The following TRHDE variants were observed in gnomAD, a reference collection of about 807,000 sequenced individuals.
The protein encoded by TRHDE is thyrotropin releasing hormone degrading enzyme.
Under a neutral mutation model 125.7 loss-of-function variants are expected in TRHDE, and 72 were observed. The ratio of observed to expected loss-of-function variants is 0.57; its 90% CI spans 0.47 to 0.70. The LOEUF is 0.70. Ranked by LOEUF, TRHDE falls within the 30% of genes least tolerant of loss-of-function variation. The pLI, the probability that TRHDE is intolerant of heterozygous loss-of-function variation, is 0.00. For synonymous variants in TRHDE, 509 were observed against 509.1 expected, an observed-to-expected ratio of 1.00 and a Z score of 0.00; for missense variants, 1,110 against 1,327.1, an observed-to-expected ratio of 0.84 and a Z score of 2.54.
chr12:72,569,762 G>A (rs776226259), intron 10 of TRHDE, among the ~76,000 whole-genome samples: 1 of 152,146 alleles, frequency 6.6e-6, no homozygotes, highest in South Asian at 2.1e-4. Flanking sequence ...GCATTGATAA[G>A]TAATGTAGCA....
Position 72,597,747 on chromosome 12 carries a change from A to ATATATATG in TRHDE, c.2322-21137_2322-21136insGTATATAT, listed in dbSNP as rs1565804788. Among the ~76,000 whole-genome samples, 5 of 12,814 alleles carry ATATATATG rather than the reference A, an allele frequency of 3.9e-4. 1 individual carries two copies. The highest frequency in any genetic ancestry group is 8.6e-4 in the Non-Finnish European group (5 of 5,846). The allele number at this position is 12,814 out of a possible 152,430, so 8.4% of individuals were successfully genotyped here. On this transcript the variant is annotated intron_variant, in intron 12 of 18. Coordinates refer to ENST00000261180, the MANE Select transcript of TRHDE (RefSeq NM_013381.3). ...TATATATATATATATATATATATAT[A>ATATATATG]TATATATATATGCATACACACACAA...
intron 3 of TRHDE, among the ~76,000 whole-genome samples, chr12:72,407,468 T>A (rs1027395259): frequency 1.3e-5 from 2 of 152,122 alleles, no homozygotes; most frequent in African/African-American, 4.8e-5. Flanking sequence ...TAGTGTGGAG[T>A]CATTTTAGAA....
In TRHDE at chr12:72,218,982, A is replaced by G. The variant is rs191718240; in HGVS notation, n.279+113230A>G. On this transcript the variant is annotated intron_variant and non_coding_transcript_variant, in intron 2 of 4. Coordinates refer to the TRHDE transcript ENST00000548156. Reference sequence around the variant, plus strand: ...TTAGTTTCACAAATTGGTCAAGTCCAATCTAAATTTTGCCAGAGAGCAAAG... The same window carrying G: ...TTAGTTTCACAAATTGGTCAAGTCCGATCTAAATTTTGCCAGAGAGCAAAG... 1.2e-4 allele frequency among the ~76,000 whole-genome samples: 19 copies of G among 152,282 alleles called. No individual in the cohort carries two copies. In the East Asian group the frequency reaches 3.5e-3, roughly 28 times the overall value.
intron 6 of TRHDE, among the ~76,000 whole-genome samples, chr12:72,520,536 C>T (rs934638661): frequency 1.3e-5 from 2 of 152,164 alleles, no homozygotes; most frequent in Non-Finnish European, 1.5e-5. Flanking sequence ...CCTGCGCCCA[C>T]TCTCTGGCAC....
chr12:72,434,694 C>A (rs998096691), intron 3 of TRHDE, among the ~76,000 whole-genome samples: 3 of 152,178 alleles, frequency 2.0e-5, no homozygotes, highest in African/African-American at 7.2e-5. Flanking sequence ...TGCTCTAATG[C>A]ATGTCTCTTG....
chr12:72,498,611 T>C (rs1178589874), intron 5 of TRHDE, among the ~76,000 whole-genome samples: 2 of 152,208 alleles, frequency 1.3e-5, no homozygotes, highest in Non-Finnish European at 2.9e-5. Context: ...GGAAGACTAC[T>C]AGCTGCCAGC....
intron 8 of TRHDE, 49 bp downstream of exon 8, chr12:72,562,279 A>G (rs1418640519): frequency 2.0e-6 from 2 of 998,160 alleles, no homozygotes; most frequent in Non-Finnish European, 3.1e-6. Context: ...GAATATTTGA[A>G]TTGCATTTAT....
chr12:72,422,699 A>G (rs572621030), intron 3 of TRHDE, among the ~76,000 whole-genome samples: 3 of 152,260 alleles, frequency 2.0e-5, no homozygotes, highest in East Asian at 3.9e-4. Flanking sequence ...AGTGAAGATA[A>G]ATTTACTTAG....
chr12:72,219,032 A>C (rs922257937), intron 2 of TRHDE, among the ~76,000 whole-genome samples: 2 of 152,120 alleles, frequency 1.3e-5, no homozygotes, highest in African/African-American at 2.4e-5. Flanking sequence ...ATGACAATAA[A>C]ATTTTCACAA....
chr12:72,556,502 T>C (rs1869932453), intron 7 of TRHDE, among the ~76,000 whole-genome samples: 1 of 152,232 alleles, frequency 6.6e-6, no homozygotes, highest in Non-Finnish European at 1.5e-5. Context: ...AGTGTCACCA[T>C]GACAGGCACT....
intron 3 of TRHDE, among the ~76,000 whole-genome samples, chr12:72,379,035 G>A (rs951772539): frequency 6.6e-6 from 1 of 152,088 alleles, no homozygotes; most frequent in African/African-American, 2.4e-5. Flanking sequence ...TTTCCCAAGA[G>A]CATTTTTGAT....
intron 2 of TRHDE, among the ~76,000 whole-genome samples, chr12:72,158,882 T>C (rs1182579248): frequency 6.6e-6 from 1 of 152,220 alleles, no homozygotes; most frequent in Non-Finnish European, 1.5e-5. Flanking sequence ...TCCTTGAATT[T>C]CTCAAAACCC....
chr12:72,377,708 T>C (rs1871953895), intron 2 of TRHDE, among the ~76,000 whole-genome samples: 1 of 152,134 alleles, frequency 6.6e-6, no homozygotes. Flanking sequence ...AGCAAGCACA[T>C]GTAAGTGATA....
At chr12:72,349,005 T>C (rs1870459015) in intron 2 of TRHDE, among the ~76,000 whole-genome samples, 1 of 152,064 alleles carries the variant, frequency 6.6e-6, no homozygotes, top group Admixed American at 6.6e-5. Context: ...CTGAATTGTA[T>C]GTCTTTCCCC....
At chr12:72,180,224 C>A (rs915911743) in intron 2 of TRHDE, among the ~76,000 whole-genome samples, 7 of 151,864 alleles carry the variant, frequency 4.6e-5, no homozygotes, top group Non-Finnish European at 7.4e-5. Flanking sequence ...TATTTTAAAG[C>A]AGTTTACAAT....
intron 13 of TRHDE, among the ~76,000 whole-genome samples, chr12:72,619,967 G>GT (rs1763246590): frequency 6.9e-6 from 1 of 144,550 alleles, no homozygotes; most frequent in African/African-American, 2.9e-5. Flanking sequence ...AAAATAAACT[G>GT]TTTAATGATT....
intron 12 of TRHDE, among the ~76,000 whole-genome samples, chr12:72,602,325 A>G (rs571103578): frequency 5.9e-5 from 9 of 152,340 alleles, no homozygotes; most frequent in Non-Finnish European, 1.2e-4. Flanking sequence ...ACTACTGAAA[A>G]ATATTGTGAA....
chr12:72,615,246 A>C (rs937466853), intron 12 of TRHDE, among the ~76,000 whole-genome samples: 2 of 152,170 alleles, frequency 1.3e-5, no homozygotes, highest in South Asian at 2.1e-4. Context: ...TATTAAACAC[A>C]TACAATATGT....
intron 6 of TRHDE, among the ~76,000 whole-genome samples, chr12:72,503,929 G>T (rs1215828612): frequency 6.6e-6 from 1 of 152,204 alleles, no homozygotes; most frequent in African/African-American, 2.4e-5. Context: ...GTCAGTGAAG[G>T]TCATGAGCTC....
Sources: allele counts gnomAD v4.1 joint callset (sites outside exome capture counted in the v4.1 genomes callset), GRCh38; gene constraint gnomAD v4.1.1; transcripts MANE v1.5; gene names NCBI Gene and HGNC (gene_info 2026-07-23, HGNC 2026-07-21).